FGF9: variants seen among roughly 807,000 people sequenced by gnomAD.
The protein encoded by FGF9 is fibroblast growth factor 9 (glia-activating factor).
Under a neutral mutation model 19.9 loss-of-function variants are expected in FGF9, and 3 were observed. The observed-to-expected ratio is 0.15, with a 90% CI of 0.07 to 0.39. FGF9 has a LOEUF of 0.39. FGF9 is among the 10% of genes least tolerant of loss of function. FGF9 has a pLI of 1.00. For missense variants in FGF9, 175 were observed against 256.8 expected (o/e 0.68, Z 2.18); for synonymous variants, 107 against 106.9 (o/e 1.00, Z -0.01).
Position 21,671,685 on chromosome 13 carries a change from A to G in FGF9, c.-228A>G, listed in dbSNP as rs576897613. ...TATCAATATGTCAGTGTGTGAGTAT[A>G]AAGTGGTGGTTTCTTAGACTATCAG... On this transcript the variant is annotated 5_prime_UTR_variant, in exon 1 of 3. In the 5' UTR this introduces an upstream ATG that the reference lacks. Coordinates refer to ENST00000382353, the MANE Select transcript of FGF9 (RefSeq NM_002010.3). The G allele has an allele frequency of 2.8e-5, 17 of 613,864 alleles. No homozygotes were observed. Among genetic ancestry groups the G allele is most frequent in the African/African-American group, 2.6e-4 (14 of 54,246 alleles). 38.0% of individuals were successfully genotyped at this position (613,864 alleles called of 1,614,324 possible).
intron 2 of FGF9, among the ~76,000 whole-genome samples, chr13:21,700,014 T>TGG (rs5802127): frequency 1.2e-5 from 1 of 83,322 alleles, no homozygotes; most frequent in Non-Finnish European, 2.5e-5. Context: ...CTTTGGGATG[T>TGG]GGTGTGTGTG....
rs73430209 is a variant in FGF9, at chr13:21,700,520, C to G, written c.382-670C>G. ...TACACGGAATGAAGTTTAAAAACCA[C>G]TCATAGAGAGTAGTAAGTAAATGCT... is the stretch of plus-strand genomic sequence containing the variant. On this transcript the variant is annotated intron_variant, in intron 2 of 2. Transcript: ENST00000382353. Among the ~76,000 whole-genome samples the G allele has an allele frequency of 3.9e-3, 592 of 152,314 alleles. 2 individuals are homozygous for G. The highest frequency in any genetic ancestry group is 0.014 in the African/African-American group (564 of 41,570).
At chr13:21,696,209 A>G (rs1872407256) in intron 2 of FGF9, among the ~76,000 whole-genome samples, 1 of 152,230 alleles carries the variant, frequency 6.6e-6, no homozygotes, top group South Asian at 2.1e-4. Context: ...TCACATTATT[A>G]TCTCATACTT....
chr13:21,697,871 G>GGA (rs1555225104), intron 2 of FGF9, among the ~76,000 whole-genome samples: 1 of 151,130 alleles, frequency 6.6e-6, no homozygotes, highest in Non-Finnish European at 1.5e-5. Flanking sequence ...CAGTGGCACG[G>GGA]TCTTGGCTCA....
At chr13:21,682,682 G>T (rs1386221182) in intron 2 of FGF9, among the ~76,000 whole-genome samples, 4 of 143,900 alleles carry the variant, frequency 2.8e-5, no homozygotes, top group Non-Finnish European at 4.5e-5. Context: ...GATCTTTTTT[G>T]TCACAACTTC....
At position 21,699,736 on chromosome 13, in the gene FGF9, G is replaced by C. The variant is rs565439100; in HGVS notation, c.382-1454G>C. On this transcript the variant is annotated intron_variant, in intron 2 of 2. Coordinates refer to ENST00000382353, the MANE Select transcript of FGF9 (RefSeq NM_002010.3). Reference sequence around the variant, plus strand: ...ATTTTGGTGATGTATAAAGTTTACTGTCTGTCCCCTGGGTCTGAATGACAG... The same window carrying C: ...ATTTTGGTGATGTATAAAGTTTACTCTCTGTCCCCTGGGTCTGAATGACAG... Among the ~76,000 whole-genome samples the C allele has an allele frequency of 5.3e-5, 8 of 152,200 alleles. No homozygotes were observed. The East Asian group carries it at 1.2e-3, about 22-fold the overall frequency.
chr13:21,687,343 A>G (rs1273423030), intron 2 of FGF9, among the ~76,000 whole-genome samples: 2 of 152,192 alleles, frequency 1.3e-5, no homozygotes, highest in African/African-American at 2.4e-5. Flanking sequence ...TTAAAATCCT[A>G]TATCGACTTA....
chr13:21,688,441 T>G (rs965654881), intron 2 of FGF9, among the ~76,000 whole-genome samples: 3 of 152,196 alleles, frequency 2.0e-5, no homozygotes, highest in African/African-American at 7.2e-5. Context: ...GAATAATAAT[T>G]CTTAGACGAT....
Position 21,682,210 on chromosome 13 carries a change from G to C in FGF9, c.381+1065G>C, listed in dbSNP as rs771270158. ...TTTTTTTTTGTAGAGACAAGGTCAC[G>C]CTATGTTGCTCAGGCTGGTCTTGAA... On this transcript the variant is annotated intron_variant, in intron 2 of 2. Transcript: ENST00000382353. Among the ~76,000 whole-genome samples the C allele has an allele frequency of 2.6e-5, 4 of 151,628 alleles. No homozygotes were observed. The South Asian group carries it at 6.2e-4, about 24-fold the overall frequency.
intron 1 of FGF9, among the ~76,000 whole-genome samples, chr13:21,674,444 A>G (rs1037403199): frequency 1.3e-5 from 2 of 149,914 alleles, no homozygotes; most frequent in Admixed American, 6.6e-5. Context: ...GAGCTCGCCG[A>G]TCGCGATCTG....
At chr13:21,673,164 AAAT>A (rs1159022187) in intron 1 of FGF9, among the ~76,000 whole-genome samples, 1 of 152,170 alleles carries the variant, frequency 6.6e-6, no homozygotes, top group Admixed American at 6.5e-5. Context: ...AAAAAAAAAA[AAAT>A]AAGCGCCAGT....
At chr13:21,680,067 A>C (rs974054980) in intron 1 of FGF9, among the ~76,000 whole-genome samples, 1 of 152,178 alleles carries the variant, frequency 6.6e-6, no homozygotes, top group African/African-American at 2.4e-5. Flanking sequence ...GTGGCCATAA[A>C]ATTCTGGATT....
intron 1 of FGF9, among the ~76,000 whole-genome samples, chr13:21,679,782 CAAAA>C (rs760146847): frequency 1.9e-5 from 1 of 52,440 alleles, no homozygotes; most frequent in Admixed American, 2.0e-4. Context: ...ACTAAAAATA[CAAAA>C]AAAAAAAAAA....
intron 2 of FGF9, among the ~76,000 whole-genome samples, chr13:21,685,380 G>A (rs1379527126): frequency 6.6e-6 from 1 of 152,076 alleles, no homozygotes; most frequent in African/African-American, 2.4e-5. Context: ...TTTGTCTTCA[G>A]GTTTACCTTG....
rs267603777 is a variant in FGF9 at position 21,701,202 on chromosome 13, C to G, written c.394C>G (p.Gln132Glu). The change falls in exon 3 of 3, where the codon CAA becomes GAA. Residue 132 changes from glutamine to glutamate, a missense_variant. Transcript: ENST00000382353. ...TTTCTTTTTACAGGAAAAACTAACC[C>G]AAGAGTGTGTATTCAGAGAACAGTT... ...GELYGSEKLT[Q>E]ECVFREQFEE... The G allele has an allele frequency of 1.2e-6, 2 of 1,613,300 alleles. No homozygotes were observed. Among genetic ancestry groups the G allele is most frequent in the Non-Finnish European group, 1.7e-6 (2 of 1,179,678 alleles).
In FGF9 at chr13:21,673,203, G is replaced by A. The variant is rs996946665; in HGVS notation, c.277+1014G>A. ...TTGGGCAACTAGACTGTTGGAAGGA[G>A]TTAACTTCTGAGTGAACCCACCTGA... On this transcript the variant is annotated intron_variant, in intron 1 of 2. Coordinates refer to ENST00000382353, the MANE Select transcript of FGF9 (RefSeq NM_002010.3). Among the ~76,000 whole-genome samples, 4 of 152,124 alleles carry A rather than the reference G, an allele frequency of 2.6e-5. No individual in the cohort carries two copies. In the East Asian group the frequency reaches 7.7e-4, roughly 29 times the overall value.
In FGF9 at chr13:21,701,980, T is replaced by C. The variant is rs1872560568; in HGVS notation, c.*545T>C. On this transcript the variant is annotated 3_prime_UTR_variant, in exon 3 of 3. Transcript: ENST00000382353. ...GCAGTGAACTTAAAGCAAAGACCTCTTAGTAAAAAATAAAAAAAAATAAAA... is the reference window on the plus strand; with the variant it reads ...GCAGTGAACTTAAAGCAAAGACCTCCTAGTAAAAAATAAAAAAAAATAAAA... The C allele has an allele frequency of 6.6e-6, 1 of 151,546 alleles. No homozygotes were observed. Among genetic ancestry groups the C allele is most frequent in the African/African-American group, 2.4e-5 (1 of 41,154 alleles). The allele number at this position is 151,546 out of a possible 1,614,324, so 9.4% of individuals were successfully genotyped here. A position where few individuals can be genotyped will look rare whatever the true frequency, so the allele number is the denominator to read the frequency against.
At chr13:21,673,610 T>G (rs891188678) in intron 1 of FGF9, among the ~76,000 whole-genome samples, 3 of 152,232 alleles carry the variant, frequency 2.0e-5, no homozygotes, top group Non-Finnish European at 4.4e-5. Flanking sequence ...AAGACTAAAC[T>G]TTACTAAAAG....
chr13:21,684,150 T>C (rs371208698), intron 2 of FGF9, among the ~76,000 whole-genome samples: 5 of 152,266 alleles, frequency 3.3e-5, no homozygotes, highest in African/African-American at 1.2e-4. Context: ...TTACTTCTTC[T>C]GCAAAACCTT....
Sources: gnomAD v4.1 joint callset for allele counts (sites outside exome capture counted in the v4.1 genomes callset) on GRCh38, gnomAD v4.1.1 for gene constraint, MANE v1.5 for transcripts, NCBI Gene and HGNC (gene_info 2026-07-23, HGNC 2026-07-21) for gene names.